SEL1L2: variants seen among roughly 807,000 people sequenced by gnomAD.
SEL1L2 encodes the protein protein sel-1 homolog 2.
SEL1L2 carries 89 observed loss-of-function variants against 98.8 expected under a neutral mutation model. That is an observed-to-expected ratio of 0.90 (90% CI 0.76 to 1.07). SEL1L2 has a LOEUF of 1.07. SEL1L2 is among the 50% of genes least tolerant of loss of function. The pLI, the probability that SEL1L2 is intolerant of heterozygous loss-of-function variation, is 0.00. For synonymous variants in SEL1L2, 262 were observed against 278.5 expected (o/e 0.94, Z 0.59); for missense variants, 788 against 812.0 (o/e 0.97, Z 0.36).
chr20:13,850,121 G>A (rs1446456424), intron 19 of SEL1L2, 70 bp downstream of exon 19: 2 of 1,580,024 alleles, frequency 1.3e-6, no homozygotes, highest in South Asian at 2.3e-5. Flanking sequence ...GATGGGCCTT[G>A]TCACTTTGTC....
Position 13,913,949 on chromosome 20 carries a change from T to C in SEL1L2, c.387-5A>G. On this transcript the variant is annotated splice_polypyrimidine_tract_variant and splice_region_variant and intron_variant, in intron 4 of 19. Transcript: ENST00000284951. ...TTGGCAAAAAGTAGGTAGGCTCTGT[T>C]TCAAGAATATAAAGTCAAGTTTGAT... 6.4e-7 allele frequency: 1 copy of C among 1,556,176 alleles called. No individual in the cohort carries two copies. The highest frequency in any genetic ancestry group is 2.2e-5 in the Admixed American group (1 of 44,718).
Position 13,849,510 on chromosome 20 carries a change from A to C in SEL1L2, c.2042T>G (p.Leu681Trp), listed in dbSNP as rs199710636. The change falls in exon 20 of 20, where the codon TTG becomes TGG. Residue 681 changes from leucine to tryptophan, a missense_variant. By Grantham distance (61) the Leu-to-Trp change is moderately conservative. Transcript: ENST00000284951. ...CTACCCATGGTGATTTCTAAGCAAC[A>C]AAATCAGCCCAGGAACAATGAGGCC... ...VIGLIVPGLILLLRNHHG is the reference protein window; with the variant it reads ...VIGLIVPGLIWLLRNHHG The C allele has an allele frequency of 5.6e-6, 9 of 1,614,072 alleles. No homozygotes were observed. In the East Asian group the frequency reaches 2.0e-4, roughly 36 times the overall value.
At chr20:13,960,933 G>A (rs910449243) in intron 1 of SEL1L2, among the ~76,000 whole-genome samples, 19 of 152,084 alleles carry the variant, frequency 1.2e-4, no homozygotes, top group African/African-American at 3.6e-4. Flanking sequence ...ATATAATAGC[G>A]TACACCATCA....
chr20:13,934,269 CCCAT>C (rs1260611887), intron 2 of SEL1L2, among the ~76,000 whole-genome samples: 4 of 134,178 alleles, frequency 3.0e-5, no homozygotes, highest in Non-Finnish European at 6.2e-5. Context: ...ATTATCCAGT[CCCAT>C]CCAAGTTGCT....
intron 3 of SEL1L2, among the ~76,000 whole-genome samples, chr20:13,921,067 T>C (rs2048645573): frequency 6.6e-6 from 1 of 152,232 alleles, no homozygotes; most frequent in African/African-American, 2.4e-5. Context: ...AAATAAATTT[T>C]GAAAGATTGG....
chr20:13,912,318 G>C (rs1245667185), intron 5 of SEL1L2, among the ~76,000 whole-genome samples: 1 of 124,106 alleles, frequency 8.1e-6, no homozygotes, highest in Non-Finnish European at 1.6e-5. Context: ...TTTTTTTTGA[G>C]ATGGAGTCTT....
intron 17 of SEL1L2, among the ~76,000 whole-genome samples, chr20:13,861,904 T>C (rs1345609681): frequency 5.3e-5 from 8 of 152,210 alleles, no homozygotes; most frequent in East Asian, 3.8e-4. Flanking sequence ...ACTTCTCTCC[T>C]AGAGGCCGTC....
At chr20:13,914,243 GC>G (rs1469158802) in intron 4 of SEL1L2, among the ~76,000 whole-genome samples, 1 of 152,078 alleles carries the variant, frequency 6.6e-6, no homozygotes, top group Non-Finnish European at 1.5e-5. Context: ...CACTGAGTAA[GC>G]TTATACACTG....
chr20:13,926,192 G>A (rs1272168597), intron 3 of SEL1L2, among the ~76,000 whole-genome samples: 1 of 152,184 alleles, frequency 6.6e-6, no homozygotes, highest in African/African-American at 2.4e-5. Context: ...GCAGGCGCCC[G>A]TAGTCCCAGC....
rs1370761372 is a variant in SEL1L2, at chr20:13,849,562, C to T, written c.1990G>A (p.Gly664Arg). Residue 664 changes from glycine to arginine, a missense_variant, in exon 20 of 20, where the codon GGA becomes AGA. Physicochemically the swap from Gly to Arg is moderately radical, Grantham distance 125. Transcript: ENST00000284951. Reference protein sequence around the residue: ...WNWLKLDNTIGPHWDLFVIGL... With the variant: ...WNWLKLDNTIRPHWDLFVIGL... ...ATCACAAATAAGTCCCAGTGTGGTCCAATGGTGTTGTCCAGTTTCAGCCAG... is the reference window on the plus strand; with the variant it reads ...ATCACAAATAAGTCCCAGTGTGGTCTAATGGTGTTGTCCAGTTTCAGCCAG... 1.9e-6 allele frequency: 3 copies of T among 1,613,924 alleles called. No homozygotes were observed. Among genetic ancestry groups the T allele is most frequent in the Admixed American group, 3.3e-5 (2 of 59,984 alleles).
chr20:13,866,666 A>G (rs758018742), intron 15 of SEL1L2, 36 bp downstream of exon 15: 51 of 1,486,558 alleles, frequency 3.4e-5, no homozygotes, highest in Non-Finnish European at 4.6e-5. Context: ...GTCATATATG[A>G]CAAGTGCTTT....
At chr20:13,967,212 G>C (rs1397409038) in intron 1 of SEL1L2, among the ~76,000 whole-genome samples, 5 of 152,086 alleles carry the variant, frequency 3.3e-5, no homozygotes, top group Non-Finnish European at 5.9e-5. Flanking sequence ...AGTAGCATTA[G>C]CATCTGTGAG....
rs73259301 is a variant in SEL1L2 at position 13,880,915 on chromosome 20, T to C, written c.958-3327A>G. 6.0e-3 allele frequency among the ~76,000 whole-genome samples: 909 copies of C among 152,320 alleles called. 7 individuals carry two copies. The highest frequency in any genetic ancestry group is 0.021 in the African/African-American group (854 of 41,562). ...TCTTTTTAAAAAATGATCATGATTTTTCATTGGCTCTAAGAAAATCTGTAG... is the reference window on the plus strand; with the variant it reads ...TCTTTTTAAAAAATGATCATGATTTCTCATTGGCTCTAAGAAAATCTGTAG... On this transcript the variant is annotated intron_variant, in intron 10 of 19. Transcript: ENST00000284951.
At chr20:13,889,722 C>T (rs571422960) in intron 5 of SEL1L2, among the ~76,000 whole-genome samples, 5 of 152,168 alleles carry the variant, frequency 3.3e-5, no homozygotes, top group East Asian at 1.9e-4. Flanking sequence ...ACCCGGGAGG[C>T]GGAGCTTGCA....
chr20:13,993,488 C>T (rs906114840), upstream of SEL1L2, among the ~76,000 whole-genome samples: 4 of 152,140 alleles, frequency 2.6e-5, no homozygotes, highest in Non-Finnish European at 4.4e-5. Flanking sequence ...GTGATTAATA[C>T]TAAATGCTGG....
At chr20:13,887,678 C>A in intron 8 of SEL1L2, 91 bp downstream of exon 8, 1 of 805,066 alleles carries the variant, frequency 1.2e-6, no homozygotes, top group South Asian at 1.6e-5. Flanking sequence ...TTGATATTTT[C>A]ATAAGTTTAT....
intron 18 of SEL1L2, among the ~76,000 whole-genome samples, chr20:13,852,303 T>C (rs542069196): frequency 6.6e-6 from 1 of 152,292 alleles, no homozygotes; most frequent in Admixed American, 6.5e-5. Context: ...TGGGATGAAC[T>C]CACTCCTTGT....
intron 1 of SEL1L2, among the ~76,000 whole-genome samples, chr20:13,981,339 A>G (rs928399153): frequency 6.6e-6 from 1 of 152,190 alleles, no homozygotes; most frequent in Non-Finnish European, 1.5e-5. Context: ...TTGGTCAAAG[A>G]GTACAGTTTC....
At chr20:13,958,880 C>T (rs1484890288) in intron 1 of SEL1L2, among the ~76,000 whole-genome samples, 2 of 151,118 alleles carry the variant, frequency 1.3e-5, no homozygotes, top group African/African-American at 4.9e-5. Context: ...CTGAGATCGA[C>T]CCACTGCACT....
Sources: allele counts gnomAD v4.1 joint callset (sites outside exome capture counted in the v4.1 genomes callset), GRCh38; gene constraint gnomAD v4.1.1; transcripts MANE v1.5; gene names NCBI Gene and HGNC (gene_info 2026-07-23, HGNC 2026-07-21).